TCF12: variants seen among roughly 807,000 people sequenced by gnomAD.
The protein encoded by TCF12 is transcription factor 12, also known as DNA-binding protein HTF4.
In TCF12, 45 loss-of-function variants were observed where a neutral mutation model predicts 86.0. That is an observed-to-expected ratio of 0.52 (90% CI 0.41 to 0.67). The LOEUF (loss-of-function observed/expected upper bound fraction) is 0.67, where lower values mean the gene tolerates loss of function less well. TCF12 is among the 30% of genes least tolerant of loss of function. The pLI, the probability that TCF12 is intolerant of heterozygous loss-of-function variation, is 0.00. For missense variants in TCF12, 881 were observed against 859.9 expected, an observed-to-expected ratio of 1.02 and a Z score of -0.31; for synonymous variants, 330 against 299.6, an observed-to-expected ratio of 1.10 and a Z score of -1.05.
At chr15:56,948,498 A>T (rs1200848835) in intron 3 of TCF12, among the ~76,000 whole-genome samples, 2 of 152,188 alleles carry the variant, frequency 1.3e-5, no homozygotes, top group Non-Finnish European at 2.9e-5. Context: ...CCTCAGGGAA[A>T]TCTTTGTATA....
At chr15:57,137,824 C>T (rs1236719411) in intron 5 of TCF12, among the ~76,000 whole-genome samples, 6 of 152,002 alleles carry the variant, frequency 3.9e-5, no homozygotes, top group African/African-American at 9.7e-5. Flanking sequence ...ATCAGGAGTT[C>T]GAAACCAGCC....
At chr15:57,112,611 G>C (rs1172593241) in intron 5 of TCF12, among the ~76,000 whole-genome samples, 5 of 152,122 alleles carry the variant, frequency 3.3e-5, no homozygotes, top group Non-Finnish European at 5.9e-5. Flanking sequence ...AAAAACAGTG[G>C]ACAGGCAGTT....
intron 3 of TCF12, among the ~76,000 whole-genome samples, chr15:57,002,830 T>C (rs1272987078): frequency 2.0e-5 from 3 of 152,230 alleles, no homozygotes; most frequent in African/African-American, 7.2e-5. Context: ...CAGGTAATGA[T>C]TGATTCAGAT....
intron 4 of TCF12, among the ~76,000 whole-genome samples, chr15:57,070,983 C>T (rs1170624501): frequency 1.3e-5 from 2 of 152,106 alleles, no homozygotes; most frequent in African/African-American, 4.8e-5. Context: ...GTTGGACTTA[C>T]CCTGATCCCC....
At chr15:57,290,175 T>G (rs984081376), downstream of TCF12, among the ~76,000 whole-genome samples, 1 of 152,086 alleles carries the variant, frequency 6.6e-6, no homozygotes, top group African/African-American at 2.4e-5. Context: ...AAACCCCGTG[T>G]CTACTAAAAG....
chr15:57,018,539 C>T (rs951909383), intron 3 of TCF12, among the ~76,000 whole-genome samples: 1 of 151,674 alleles, frequency 6.6e-6, no homozygotes, highest in African/African-American at 2.4e-5. Flanking sequence ...CTCGGCTCAC[C>T]GCAACATGTG....
chr15:57,106,680 G>A (rs1480307855), intron 5 of TCF12, among the ~76,000 whole-genome samples: 1 of 152,080 alleles, frequency 6.6e-6, no homozygotes, highest in Admixed American at 6.5e-5. Flanking sequence ...GTCTCATAAA[G>A]GACTACTGTT....
At chr15:57,227,242 C>T (rs2058930690) in intron 8 of TCF12, among the ~76,000 whole-genome samples, 1 of 152,072 alleles carries the variant, frequency 6.6e-6, no homozygotes, top group Non-Finnish European at 1.5e-5. Context: ...CATTTTTTCT[C>T]AATAACAGAA....
chr15:57,241,897 G>A (rs577293914), intron 12 of TCF12, among the ~76,000 whole-genome samples: 11 of 138,896 alleles, frequency 7.9e-5, no homozygotes, highest in Middle Eastern at 3.6e-3. Flanking sequence ...GAGGCTGAGC[G>A]GGGAAAATCA....
Position 57,263,221 on chromosome 15 carries a change from A to C in TCF12, c.1692A>C (p.Ser564=). 2 of 1,612,612 alleles carry C rather than the reference A, an allele frequency of 1.2e-6. No individual in the cohort carries two copies. Among genetic ancestry groups the C allele is most frequent in the Admixed American group, 3.4e-5 (2 of 59,592 alleles). The change falls in exon 18 of 21, where the codon TCA becomes TCC. Residue 564 remains serine, a synonymous_variant. Coordinates refer to ENST00000333725, the MANE Select transcript of TCF12 (RefSeq NM_207037.2). ...CTCCTTCATCAGATGACATGAAGTC[A>C]GATGATGAATCCTCCCAAAAAGATA... ...HEPPSSDDMK[S]DDESSQKDIK... is the part of the protein sequence containing the mutation.
At chr15:57,089,204 G>A (rs2048833907) in intron 4 of TCF12, among the ~76,000 whole-genome samples, 1 of 152,112 alleles carries the variant, frequency 6.6e-6, no homozygotes, top group Non-Finnish European at 1.5e-5. Context: ...TTTAAACAAA[G>A]TTCCATTTGC....
intron 6 of TCF12, among the ~76,000 whole-genome samples, chr15:57,175,676 G>A (rs1331533064): frequency 6.6e-6 from 1 of 152,142 alleles, no homozygotes; most frequent in Non-Finnish European, 1.5e-5. Context: ...CAAGAAAGTT[G>A]ATACTGTATT....
intron 5 of TCF12, among the ~76,000 whole-genome samples, chr15:57,143,667 G>T (rs919808669): frequency 6.6e-6 from 1 of 152,158 alleles, no homozygotes; most frequent in Non-Finnish European, 1.5e-5. Context: ...GCAGACAGAG[G>T]TTTATTCACA....
chr15:57,234,022 A>G, intron 11 of TCF12, 21 bp from the exon 12 acceptor site: 1 of 1,607,820 alleles, frequency 6.2e-7, no homozygotes, highest in Middle Eastern at 1.7e-4. Flanking sequence ...TTCTTGATTT[A>G]TTTCTCTATG....
intron 5 of TCF12, among the ~76,000 whole-genome samples, chr15:57,114,347 G>A (rs2050698884): frequency 6.6e-6 from 1 of 152,192 alleles, no homozygotes; most frequent in South Asian, 2.1e-4. Flanking sequence ...CTGGAGTGCA[G>A]TGGCATGATC....
At chr15:57,113,877 G>A (rs752857465) in intron 5 of TCF12, among the ~76,000 whole-genome samples, 3 of 151,950 alleles carry the variant, frequency 2.0e-5, no homozygotes, top group Non-Finnish European at 4.4e-5. Context: ...GATAGCTTGA[G>A]CCCAGGAGGT....
In TCF12 at chr15:57,021,366, A is replaced by G. The variant is rs2957575; in HGVS notation, c.149-42384A>G. Among the ~76,000 whole-genome samples, 40 of 152,316 alleles carry G rather than the reference A, an allele frequency of 2.6e-4. No homozygotes were observed. The East Asian group carries it at 4.1e-3, about 15-fold the overall frequency. ...TTAAACTAGTGATGGGACAGAAAAC[A>G]TTGGCATCGGGCGCGGTGGCTCACG... On this transcript the variant is annotated intron_variant, in intron 3 of 20. Coordinates refer to ENST00000333725, the MANE Select transcript of TCF12 (RefSeq NM_207037.2).
At chr15:57,031,388 C>A (rs1318346842) in intron 3 of TCF12, among the ~76,000 whole-genome samples, 1 of 150,948 alleles carries the variant, frequency 6.6e-6, no homozygotes, top group Non-Finnish European at 1.5e-5. Context: ...TTTGGGGGGT[C>A]AGATCAATCT....
intron 3 of TCF12, among the ~76,000 whole-genome samples, chr15:56,961,205 G>A (rs1283072043): frequency 1.3e-5 from 2 of 151,922 alleles, no homozygotes; most frequent in African/African-American, 4.8e-5. Flanking sequence ...ATTGCTTTGA[G>A]CATAACGAAG....
Sources: gnomAD v4.1 joint callset for allele counts (sites outside exome capture counted in the v4.1 genomes callset) on GRCh38, gnomAD v4.1.1 for gene constraint, MANE v1.5 for transcripts, NCBI Gene and HGNC (gene_info 2026-07-23, HGNC 2026-07-21) for gene names.